The following B3GALT1 variants were observed in gnomAD, a reference collection of about 807,000 sequenced individuals.
B3GALT1 encodes UDP-Gal:betaGlcNAc beta 1,3-galactosyltransferase, polypeptide 1.
B3GALT1 carries 10 observed loss-of-function variants against 23.2 expected under a neutral mutation model. The ratio of observed to expected loss-of-function variants is 0.43; its 90% CI spans 0.27 to 0.73. The LOEUF is 0.73. B3GALT1 is among the 30% of genes least tolerant of loss of function. The probability of loss-of-function intolerance (pLI) is 0.21; values close to 1 mark genes in which losing one functional copy is unlikely to be tolerated. For synonymous variants in B3GALT1, 156 were observed against 141.5 expected, an observed-to-expected ratio of 1.10 and a Z score of -0.73; for missense variants, 299 against 405.4, an observed-to-expected ratio of 0.74 and a Z score of 2.25.
intron 1 of B3GALT1, among the ~76,000 whole-genome samples, chr2:167,460,075 G>C (rs926103962): frequency 6.6e-6 from 1 of 152,110 alleles, no homozygotes; most frequent in African/African-American, 2.4e-5. Flanking sequence ...TGATTAAAAT[G>C]ATTCTTGGTG....
chr2:167,387,319 A>C (rs1440808895), intron 1 of B3GALT1, among the ~76,000 whole-genome samples: 1 of 152,238 alleles, frequency 6.6e-6, no homozygotes, highest in Non-Finnish European at 1.5e-5. Context: ...GGAAAAATCT[A>C]ATAAAATCAG....
At chr2:167,739,684 T>C (rs1687546694) in intron 3 of B3GALT1, among the ~76,000 whole-genome samples, 1 of 152,160 alleles carries the variant, frequency 6.6e-6, no homozygotes, top group South Asian at 2.1e-4. Flanking sequence ...GGACTGTAAG[T>C]TCCCCATCAT....
intron 1 of B3GALT1, among the ~76,000 whole-genome samples, chr2:167,308,189 T>C (rs1696579153): frequency 6.6e-6 from 1 of 152,022 alleles, no homozygotes; most frequent in African/African-American, 2.4e-5. Flanking sequence ...TTATAACTGT[T>C]GGGACTGAGA....
At chr2:167,488,706 A>G (rs923292551) in intron 1 of B3GALT1, among the ~76,000 whole-genome samples, 7 of 152,200 alleles carry the variant, frequency 4.6e-5, no homozygotes, top group African/African-American at 1.7e-4. Context: ...CAAGATAGAG[A>G]ATTTTTTCAT....
At chr2:167,485,055 T>G (rs772428111) in intron 1 of B3GALT1, among the ~76,000 whole-genome samples, 2 of 152,042 alleles carry the variant, frequency 1.3e-5, no homozygotes, top group Admixed American at 1.3e-4. Context: ...GAAGAGAGTA[T>G]AGTAAGGCAT....
intron 1 of B3GALT1, among the ~76,000 whole-genome samples, chr2:167,446,941 A>T (rs905010710): frequency 2.2e-4 from 34 of 152,108 alleles, no homozygotes; most frequent in African/African-American, 8.2e-4. Context: ...AGGCACTGTG[A>T]TTTTTAGAAT....
intron 1 of B3GALT1, among the ~76,000 whole-genome samples, chr2:167,391,440 C>T (rs1237437319): frequency 6.6e-6 from 1 of 152,136 alleles, no homozygotes; most frequent in African/African-American, 2.4e-5. Flanking sequence ...GATTTTAAGC[C>T]TAATAAATCA....
At chr2:167,670,584 T>C (rs891306179) in intron 3 of B3GALT1, among the ~76,000 whole-genome samples, 1 of 152,164 alleles carries the variant, frequency 6.6e-6, no homozygotes, top group South Asian at 2.1e-4. Flanking sequence ...CTATGAACTG[T>C]CTGGCAAGTA....
chr2:167,573,226 T>C (rs1026591116), intron 2 of B3GALT1, among the ~76,000 whole-genome samples: 1 of 151,716 alleles, frequency 6.6e-6, no homozygotes, highest in Admixed American at 6.6e-5. Flanking sequence ...ACCAAGAAAA[T>C]ACAATATTTA....
Position 167,830,007 on chromosome 2 carries a change from C to T in B3GALT1, c.-230+11214C>T, listed in dbSNP as rs547236558. 7.9e-5 allele frequency among the ~76,000 whole-genome samples: 12 copies of T among 152,254 alleles called. No individual in the cohort carries two copies. The East Asian group carries it at 2.3e-3, about 29-fold the overall frequency. ...AGGCAAAAGAAATGTCTAGAAAGCACGGATGTTCTTTATGAACAACCACAC... is the reference window on the plus strand; with the variant it reads ...AGGCAAAAGAAATGTCTAGAAAGCATGGATGTTCTTTATGAACAACCACAC... On this transcript the variant is annotated intron_variant, in intron 4 of 4. Coordinates refer to ENST00000392690, the MANE Select transcript of B3GALT1 (RefSeq NM_020981.4).
At chr2:167,390,562 G>A in intron 1 of B3GALT1, among the ~76,000 whole-genome samples, 1 of 152,054 alleles carries the variant, frequency 6.6e-6, no homozygotes, top group African/African-American at 2.4e-5. Flanking sequence ...TTATCTCCAT[G>A]TTTTTTCCAG....
intron 2 of B3GALT1, among the ~76,000 whole-genome samples, chr2:167,562,011 A>G (rs1039688986): frequency 2.0e-4 from 30 of 152,204 alleles, no homozygotes; most frequent in Admixed American, 2.0e-3. Flanking sequence ...CAAAAAAGAG[A>G]ATTTTAGACC....
In B3GALT1 at chr2:167,536,069, G is replaced by A. The variant is rs538717175; in HGVS notation, c.-410+45792G>A. ...CTCTTGAATAGCTCCACCATGCCCA[G>A]CTAATTTTTGTACTTTTAGTAGAGA... is the stretch of plus-strand genomic sequence containing the variant. On this transcript the variant is annotated intron_variant, in intron 2 of 4. Transcript: ENST00000392690. Among the ~76,000 whole-genome samples the A allele has an allele frequency of 3.9e-5, 6 of 152,186 alleles. No homozygotes were observed. The South Asian group carries it at 1.2e-3, about 32-fold the overall frequency.
intron 1 of B3GALT1, among the ~76,000 whole-genome samples, chr2:167,374,652 C>T (rs115580490): frequency 0.1 from 15,346 of 152,030 alleles, 936 homozygotes; most frequent in African/African-American, 0.18. Flanking sequence ...GCTTGTGTGT[C>T]TTCTTTTGAG....
At chr2:167,340,483 C>CA (rs1015154892) in intron 1 of B3GALT1, among the ~76,000 whole-genome samples, 3 of 151,628 alleles carry the variant, frequency 2.0e-5, no homozygotes, top group African/African-American at 4.8e-5. Context: ...CAAAAAGGAC[C>CA]AAAAAAATAG....
At chr2:167,856,409 G>GAGTC (rs1038449157) in intron 4 of B3GALT1, among the ~76,000 whole-genome samples, 6 of 152,134 alleles carry the variant, frequency 3.9e-5, no homozygotes, top group Admixed American at 2.0e-4. Flanking sequence ...CATATTTGGA[G>GAGTC]AGTCAATAGC....
chr2:167,512,710 C>T (rs1700044046), intron 2 of B3GALT1, among the ~76,000 whole-genome samples: 1 of 146,298 alleles, frequency 6.8e-6, no homozygotes, highest in African/African-American at 2.5e-5. Flanking sequence ...CATCTTGGCT[C>T]ACTGCAACCT....
chr2:167,534,514 AT>A (rs1338905843), intron 2 of B3GALT1, among the ~76,000 whole-genome samples: 2 of 152,164 alleles, frequency 1.3e-5, no homozygotes, highest in African/African-American at 4.8e-5. Context: ...GTGGGTGGAC[AT>A]TTTTAATGGG....
intron 3 of B3GALT1, among the ~76,000 whole-genome samples, chr2:167,699,555 G>A (rs1381288080): frequency 6.6e-6 from 1 of 151,632 alleles, no homozygotes; most frequent in Non-Finnish European, 1.5e-5. Context: ...TATGTATTTA[G>A]TCTCCTACAA....
Sources: allele counts gnomAD v4.1 joint callset (sites outside exome capture counted in the v4.1 genomes callset), GRCh38; gene constraint gnomAD v4.1.1; transcripts MANE v1.5; gene names NCBI Gene and HGNC (gene_info 2026-07-23, HGNC 2026-07-21).